The following STX7 variants were observed in gnomAD, a reference collection of about 807,000 sequenced individuals.
The protein encoded by STX7 is syntaxin-7.
STX7 carries 34 observed loss-of-function variants against 39.6 expected under a neutral mutation model. The observed-to-expected ratio is 0.86, with a 90% CI of 0.65 to 1.14. The LOEUF (loss-of-function observed/expected upper bound fraction) is 1.14. Among genes scored for constraint, STX7 ranks in the 50% most tolerant of loss-of-function variants. The pLI is 0.00. For missense variants in STX7, 284 were observed against 310.4 expected, an observed-to-expected ratio of 0.92 and a Z score of 0.64; for synonymous variants, 119 against 99.1, an observed-to-expected ratio of 1.20 and a Z score of -1.19.
At chr6:132,506,609 G>A (rs958125293) in intron 1 of STX7, among the ~76,000 whole-genome samples, 10 of 151,656 alleles carry the variant, frequency 6.6e-5, no homozygotes, top group South Asian at 2.1e-4. Context: ...CATCTTGAAC[G>A]GAAAAAAAAG....
Position 132,453,237 on chromosome 6 carries a change from T to C in STX7, c.*7521A>G, listed in dbSNP as rs945900413. ...GAACCCAGACCTAAGTCTCACATTT[T>C]ATACAAAATTAACTGAAAATGGAAT... On this transcript the variant is annotated 3_prime_UTR_variant, in exon 10 of 10. Coordinates refer to ENST00000367941, the MANE Select transcript of STX7 (RefSeq NM_003569.3). The C allele has an allele frequency of 3.0e-4, 46 of 152,112 alleles. No individual in the cohort carries two copies. Among genetic ancestry groups the C allele is most frequent in the African/African-American group, 1.0e-3 (43 of 41,442 alleles). The allele number at this position is 152,112 out of a possible 1,614,324, so 9.4% of individuals were successfully genotyped here. A position where few individuals can be genotyped will look rare whatever the true frequency, so the allele number is the denominator to read the frequency against.
intron 2 of STX7, among the ~76,000 whole-genome samples, chr6:132,493,606 C>T (rs1775348848): frequency 6.6e-6 from 1 of 152,218 alleles, no homozygotes; most frequent in South Asian, 2.1e-4. Flanking sequence ...CCTCCCCAGC[C>T]ATGTGGAAAT....
At chr6:132,466,449 T>C (rs764627621) in intron 8 of STX7, among the ~76,000 whole-genome samples, 5 of 152,232 alleles carry the variant, frequency 3.3e-5, no homozygotes, top group Admixed American at 6.5e-5. Flanking sequence ...GTGGGTTGTA[T>C]GATCTCTGTT....
chr6:132,478,529 C>G (rs988216544), intron 2 of STX7, among the ~76,000 whole-genome samples: 1 of 152,052 alleles, frequency 6.6e-6, no homozygotes, highest in Non-Finnish European at 1.5e-5. Flanking sequence ...AAAATAAAAC[C>G]AAGGGCATTA....
In STX7 at chr6:132,480,270, G is replaced by A. The variant is rs1014903233; in HGVS notation, c.86-4608C>T. On this transcript the variant is annotated intron_variant, in intron 2 of 9. Transcript: ENST00000367941. Reference sequence around the variant, plus strand: ...GCTGCTGGACTTCTAGAATGTTTACGGCCTACTGAGACTCAATCCTGGCAC... The same window carrying A: ...GCTGCTGGACTTCTAGAATGTTTACAGCCTACTGAGACTCAATCCTGGCAC... 3.3e-5 allele frequency among the ~76,000 whole-genome samples: 5 copies of A among 152,166 alleles called. 1 individual carries two copies. Among genetic ancestry groups the A allele is most frequent in the Middle Eastern group, 6.8e-3 (2 of 294 alleles).
At chr6:132,461,742 A>T (rs893279349) in intron 9 of STX7, 2 of 1,265,770 alleles carry the variant, frequency 1.6e-6, no homozygotes, top group Non-Finnish European at 2.2e-6. Context: ...AAACAAAATC[A>T]TAATGCTGTC....
chr6:132,470,277 TG>T (rs1337950126), intron 6 of STX7, among the ~76,000 whole-genome samples: 2 of 152,178 alleles, frequency 1.3e-5, no homozygotes, highest in Admixed American at 6.5e-5. Flanking sequence ...ACTTAATTAT[TG>T]GAAGCTGTAT....
chr6:132,508,690 T>G (rs1055481657), intron 1 of STX7, among the ~76,000 whole-genome samples: 7 of 152,018 alleles, frequency 4.6e-5, no homozygotes, highest in Non-Finnish European at 5.9e-5. Context: ...TTTGATTTTT[T>G]TATAGAGATG....
intron 3 of STX7, 184 bp downstream of exon 3, chr6:132,475,409 A>G (rs1380037636): frequency 2.6e-6 from 1 of 389,486 alleles, no homozygotes; most frequent in Non-Finnish European, 4.5e-6. Context: ...ACACCTGCCT[A>G]CTCCAGACAG....
rs1774011956 is a variant in STX7, at chr6:132,446,341, T to A, written c.*14417A>T. The A allele has an allele frequency of 1.2e-4, 19 of 152,186 alleles. 1 individual carries two copies. The highest frequency in any genetic ancestry group is 1.2e-3 in the Admixed American group (19 of 15,266). 9.4% of individuals were successfully genotyped at this position (152,186 alleles called of 1,614,324 possible). A position where few individuals can be genotyped will look rare whatever the true frequency, so the allele number is the denominator to read the frequency against. On this transcript the variant is annotated 3_prime_UTR_variant, in exon 10 of 10. Coordinates refer to ENST00000367941, the MANE Select transcript of STX7 (RefSeq NM_003569.3). ...TGAAGCCTCTCTGCATCAAGATGAT[T>A]GGGGTGAAAAACTGTCAATTGAAAA...
chr6:132,473,833 C>G (rs1774801314), intron 3 of STX7, among the ~76,000 whole-genome samples: 1 of 152,002 alleles, frequency 6.6e-6, no homozygotes, highest in African/African-American at 2.4e-5. Context: ...ATTTGACTGA[C>G]AAAGGGTAAT....
At chr6:132,471,841 T>C (rs1774731307) in intron 4 of STX7, among the ~76,000 whole-genome samples, 1 of 152,218 alleles carries the variant, frequency 6.6e-6, no homozygotes, top group Non-Finnish European at 1.5e-5. Context: ...AAAACTAGCT[T>C]ATTATTTTGA....
At chr6:132,489,863 T>C (rs968230335) in intron 2 of STX7, among the ~76,000 whole-genome samples, 3 of 152,282 alleles carry the variant, frequency 2.0e-5, no homozygotes, top group Admixed American at 6.5e-5. Flanking sequence ...CAGTGGAAAT[T>C]TGGGGGCATT....
chr6:132,471,672 C>T, intron 4 of STX7, 72 bp from the exon 5 acceptor site: 1 of 1,565,480 alleles, frequency 6.4e-7, no homozygotes, highest in Non-Finnish European at 8.7e-7. Flanking sequence ...GTAGTTGGCT[C>T]TTTATTTAAC....
In STX7 at chr6:132,456,499, A is replaced by G. The variant is rs765767876; in HGVS notation, c.*4259T>C. On this transcript the variant is annotated 3_prime_UTR_variant, in exon 10 of 10. Transcript: ENST00000367941. ...TAGCCTGGCAAAAAGCCGGCCCCAA[A>G]TAAGTGCCAAATTAAGTATTTATTA... 24 of 152,330 alleles carry G rather than the reference A, an allele frequency of 1.6e-4. No individual in the cohort carries two copies. Among genetic ancestry groups the G allele is most frequent in the Admixed American group, 9.8e-4 (15 of 15,304 alleles). The allele number at this position is 152,330 out of a possible 1,614,324, so 9.4% of individuals were successfully genotyped here. A position where few individuals can be genotyped will look rare whatever the true frequency, so the allele number is the denominator to read the frequency against.
At chr6:132,487,455 C>T (rs1775168171) in intron 2 of STX7, among the ~76,000 whole-genome samples, 1 of 152,068 alleles carries the variant, frequency 6.6e-6, no homozygotes, top group Admixed American at 6.6e-5. Context: ...GGGAGGGGAA[C>T]ATCACACACC....
chr6:132,508,750 G>A (rs1307476435), intron 1 of STX7, among the ~76,000 whole-genome samples: 4 of 152,054 alleles, frequency 2.6e-5, no homozygotes, highest in Admixed American at 1.3e-4. Context: ...GGGCTCATGC[G>A]ATCCTCCAGT....
intron 1 of STX7, among the ~76,000 whole-genome samples, chr6:132,508,620 C>T (rs1775765654): frequency 6.6e-6 from 1 of 152,154 alleles, no homozygotes; most frequent in Non-Finnish European, 1.5e-5. Flanking sequence ...GGCAATCCTC[C>T]CATCTCAGCA....
intron 5 of STX7, 142 bp from the exon 6 acceptor site, chr6:132,470,768 C>G (rs1055769703): frequency 4.8e-6 from 2 of 418,958 alleles, no homozygotes; most frequent in Admixed American, 8.0e-5. Flanking sequence ...TGTGTAGAGA[C>G]AGAGAGAAAG....
Sources: allele counts gnomAD v4.1 joint callset (sites outside exome capture counted in the v4.1 genomes callset), GRCh38; gene constraint gnomAD v4.1.1; transcripts MANE v1.5; gene names NCBI Gene and HGNC (gene_info 2026-07-23, HGNC 2026-07-21).